The following ITGB1 variants were observed in gnomAD, a reference collection of about 807,000 sequenced individuals.
ITGB1 encodes the protein integrin subunit beta 1.
Under a neutral mutation model 86.5 loss-of-function variants are expected in ITGB1, and 24 were observed. The observed-to-expected ratio is 0.28, with a 90% CI of 0.20 to 0.39. The LOEUF (loss-of-function observed/expected upper bound fraction) is 0.39, where lower values mean the gene tolerates loss of function less well. ITGB1 is among the 10% of genes least tolerant of loss of function. The pLI is 1.00. For synonymous variants in ITGB1, 323 were observed against 316.8 expected (o/e 1.02, Z -0.21); for missense variants, 556 against 946.9 (o/e 0.59, Z 5.42).
intron 15 of ITGB1, chr10:32,907,075 A>C: frequency 7.4e-7 from 1 of 1,357,070 alleles, no homozygotes; most frequent in South Asian, 1.2e-5. Flanking sequence ...CAATTTAGAG[A>C]CCAGCTTTAC....
intron 2 of ITGB1, among the ~76,000 whole-genome samples, chr10:32,933,160 ATTTGGGACCGTGAT>A (rs2094989564): frequency 7.9e-6 from 1 of 126,528 alleles, no homozygotes; most frequent in African/African-American, 2.5e-5. Context: ...ACAATGCAAA[ATTTGGGACCGTGAT>A]TTTGGATCAC....
chr10:32,953,799 TG>T (rs2095047161), intron 1 of ITGB1: 1 of 152,190 alleles, frequency 6.6e-6, no homozygotes, highest in African/African-American at 2.4e-5. Flanking sequence ...ACTGCTTCTC[TG>T]ATCAGGTATC....
intron 1 of ITGB1, among the ~76,000 whole-genome samples, chr10:32,956,406 A>T (rs1187074): frequency 1.3e-5 from 2 of 149,100 alleles, no homozygotes; most frequent in African/African-American, 4.9e-5. Context: ...ATTAAAAAAA[A>T]AAAAATAAAA....
chr10:32,930,118 A>T, intron 3 of ITGB1, 74 bp from the exon 4 acceptor site: 2 of 737,604 alleles, frequency 2.7e-6, no homozygotes, highest in Non-Finnish European at 4.7e-6. Flanking sequence ...AATTGCAAAT[A>T]AGCAATTAAA....
chr10:32,906,999 A>C (rs2094898343), intron 15 of ITGB1: 1 of 727,540 alleles, frequency 1.4e-6, no homozygotes, highest in Non-Finnish European at 2.2e-6. Context: ...GATAAAGGAC[A>C]CACAGTGCAG....
chr10:32,930,251 T>C (rs906475761), intron 3 of ITGB1, among the ~76,000 whole-genome samples: 1 of 152,204 alleles, frequency 6.6e-6, no homozygotes, highest in Non-Finnish European at 1.5e-5. Flanking sequence ...AAGTAATACC[T>C]TTCCCAGAAC....
intron 8 of ITGB1, 23 bp from the exon 9 acceptor site, chr10:32,922,369 G>A (rs201151437): frequency 2.2e-5 from 33 of 1,485,316 alleles, no homozygotes; most frequent in Non-Finnish European, 2.8e-5. Context: ...GATAAAACAC[G>A]TAAAATACAA....
intron 1 of ITGB1, among the ~76,000 whole-genome samples, chr10:32,948,655 C>A (rs911880968): frequency 2.6e-5 from 4 of 152,114 alleles, no homozygotes; most frequent in Non-Finnish European, 4.4e-5. Flanking sequence ...AGAATGGGTT[C>A]CAGATAAAAG....
rs2094952506 is a variant in ITGB1, at chr10:32,922,281, A to T, written c.1104T>A (p.Ile368=). Reference sequence around the variant, plus strand: ...CATTGTATGCATCAATGATCAACTGAATTACATTGCTAGAATTTGCAGATA... The same window carrying T: ...CATTGTATGCATCAATGATCAACTGTATTACATTGCTAGAATTTGCAGATA... The part of the protein sequence containing the change: ...GTLSANSSNV[I]QLIIDAYNSL... Residue 368 remains isoleucine, a synonymous_variant, in exon 9 of 16, where the codon ATT becomes ATA. Coordinates refer to ENST00000302278, the MANE Select transcript of ITGB1 (RefSeq NM_002211.4). The T allele has an allele frequency of 1.2e-6, 2 of 1,606,380 alleles. No homozygotes were observed. The highest frequency in any genetic ancestry group is 1.7e-6 in the Non-Finnish European group (2 of 1,174,872).
intron 2 of ITGB1, among the ~76,000 whole-genome samples, chr10:32,934,999 A>G (rs1293901470): frequency 6.6e-6 from 1 of 152,196 alleles, no homozygotes; most frequent in Non-Finnish European, 1.5e-5. Flanking sequence ...CCAGATGTGG[A>G]GCCACATCTT....
At chr10:32,956,269 C>A (rs1295412627) in intron 1 of ITGB1, among the ~76,000 whole-genome samples, 2 of 152,160 alleles carry the variant, frequency 1.3e-5, no homozygotes, top group Non-Finnish European at 2.9e-5. Context: ...TAACTGCCAA[C>A]TGAAGTTCCT....
chr10:32,936,108 G>C (rs543016630), intron 1 of ITGB1: 3 of 152,344 alleles, frequency 2.0e-5, no homozygotes, highest in African/African-American at 4.8e-5. Context: ...ATAGATTTTT[G>C]AGCTTGTTTT....
At chr10:32,911,752 T>G (rs918840050) in intron 12 of ITGB1, 82 bp from the exon 13 acceptor site, 1 of 1,496,206 alleles carries the variant, frequency 6.7e-7, no homozygotes, top group Non-Finnish European at 9.3e-7. Context: ...AGCAACAACA[T>G]GTGAGAAAGT....
chr10:32,904,714 C>T (rs991382678), intron 15 of ITGB1, among the ~76,000 whole-genome samples: 1 of 152,094 alleles, frequency 6.6e-6, no homozygotes, highest in African/African-American at 2.4e-5. Context: ...TTAATTTCTA[C>T]TTTTTCTTGA....
intron 15 of ITGB1, among the ~76,000 whole-genome samples, chr10:32,905,421 CATG>C (rs1177752802): frequency 6.6e-6 from 1 of 152,218 alleles, no homozygotes; most frequent in African/African-American, 2.4e-5. Context: ...ATTTCCCTAA[CATG>C]ATGTTTGCCA....
In ITGB1 at chr10:32,938,197, G is replaced by A. The variant is rs142230685; in HGVS notation, c.1-2639C>T. Reference sequence around the variant, plus strand: ...GGTTTAGTGTGTAGTAAATCCATTAGACTATAATTCTAAGCAAGTCAAATA... The same window carrying A: ...GGTTTAGTGTGTAGTAAATCCATTAAACTATAATTCTAAGCAAGTCAAATA... On this transcript the variant is annotated intron_variant, in intron 1 of 15. Coordinates refer to ENST00000302278, the MANE Select transcript of ITGB1 (RefSeq NM_002211.4). Among the ~76,000 whole-genome samples, 889 of 152,282 alleles carry A rather than the reference G, an allele frequency of 5.8e-3. 8 individuals are homozygous for A. The highest frequency in any genetic ancestry group is 0.02 in the African/African-American group (847 of 41,542).
intron 4 of ITGB1, among the ~76,000 whole-genome samples, chr10:32,929,613 T>G (rs909448012): frequency 6.6e-6 from 1 of 152,232 alleles, no homozygotes; most frequent in Admixed American, 6.5e-5. Flanking sequence ...CTTTGAATAT[T>G]AGGCAACATT....
intron 15 of ITGB1, among the ~76,000 whole-genome samples, chr10:32,905,678 C>CA (rs1444912436): frequency 6.6e-6 from 1 of 152,210 alleles, no homozygotes; most frequent in Non-Finnish European, 1.5e-5. Flanking sequence ...TTATGTGTCT[C>CA]AGTTTTCTCA....
In ITGB1 at chr10:32,911,940, A is replaced by C; in HGVS notation, c.1654T>G (p.Phe552Val). ...DNTNEIYSGK[F>V]CECDNFNCDR... ...CAGTTGAAATTATCACACTCGCAGA[A>C]TTTGCCAGAATAAATTTCATTTGTA... The change falls in exon 12 of 16, where the codon TTC becomes GTC. Residue 552 changes from phenylalanine to valine, a missense_variant. Coordinates refer to ENST00000302278, the MANE Select transcript of ITGB1 (RefSeq NM_002211.4). 1 of 1,614,064 alleles carries C rather than the reference A, an allele frequency of 6.2e-7. No individual in the cohort carries two copies. Among genetic ancestry groups the C allele is most frequent in the Non-Finnish European group, 8.5e-7 (1 of 1,180,018 alleles).
Sources: gnomAD v4.1 joint callset for allele counts (sites outside exome capture counted in the v4.1 genomes callset) on GRCh38, gnomAD v4.1.1 for gene constraint, MANE v1.5 for transcripts, NCBI Gene and HGNC (gene_info 2026-07-23, HGNC 2026-07-21) for gene names.